NEK6: variants seen among roughly 807,000 people sequenced by gnomAD.
NEK6 encodes NIMA related kinase 6, also known as serine/threonine-protein kinase Nek6.
A neutral mutation model predicts 43.5 loss-of-function variants in NEK6; 27 were observed. The observed-to-expected ratio is 0.62, with a 90% CI of 0.46 to 0.86. The LOEUF (loss-of-function observed/expected upper bound fraction) is 0.86, where lower values mean the gene tolerates loss of function less well. NEK6 is among the 40% of genes least tolerant of loss of function. The pLI is 0.00. For synonymous variants in NEK6, 167 were observed against 164.1 expected, an observed-to-expected ratio of 1.02 and a Z score of -0.14; for missense variants, 318 against 414.4, an observed-to-expected ratio of 0.77 and a Z score of 2.02.
intron 1 of NEK6, among the ~76,000 whole-genome samples, chr9:124,299,632 G>A (rs1204505247): frequency 6.6e-6 from 1 of 152,116 alleles, no homozygotes; most frequent in East Asian, 1.9e-4. Context: ...AGCGCTGGGA[G>A]ACCCAGGTGG....
intron 1 of NEK6, among the ~76,000 whole-genome samples, chr9:124,272,270 C>T (rs567367499): frequency 3.6e-4 from 55 of 152,342 alleles, no homozygotes; most frequent in African/African-American, 1.3e-3. Flanking sequence ...TTCATCCCTT[C>T]CTTGTTTTCT....
intron 9 of NEK6, 127 bp from the exon 10 acceptor site, chr9:124,350,710 C>A: frequency 1.4e-6 from 1 of 728,682 alleles, no homozygotes; most frequent in Non-Finnish European, 2.4e-6. Context: ...TTCTTCAGCT[C>A]TAACGGGGAC....
At chr9:124,344,862 A>C (rs2131079111) in intron 8 of NEK6, among the ~76,000 whole-genome samples, 1 of 152,258 alleles carries the variant, frequency 6.6e-6, no homozygotes, top group Middle Eastern at 3.4e-3. Context: ...CCGCTTTGGA[A>C]TGCTGCTTGG....
intron 4 of NEK6, among the ~76,000 whole-genome samples, chr9:124,314,449 C>A (rs960017251): frequency 2.6e-5 from 4 of 151,728 alleles, no homozygotes; most frequent in African/African-American, 9.7e-5. Context: ...CTCCTCTCAG[C>A]CTTTTTCTTT....
At position 124,351,913 on chromosome 9, in the gene NEK6, A is replaced by G. The variant is rs1302524382; in HGVS notation, c.*966A>G. 3 of 152,626 alleles carry G rather than the reference A, an allele frequency of 2.0e-5. No homozygotes were observed. The highest frequency in any genetic ancestry group is 2.9e-5 in the Non-Finnish European group (2 of 68,046). The allele number at this position is 152,626 out of a possible 1,614,324, so 9.5% of individuals were successfully genotyped here. ...GCAAGTTAGCTAATACAAAAAGTAG[A>G]TGATCCAAAAATGGTAGCCACTCAC... On this transcript the variant is annotated 3_prime_UTR_variant, in exon 10 of 10. Coordinates refer to ENST00000320246, the MANE Select transcript of NEK6 (RefSeq NM_014397.6).
chr9:124,313,656 T>C (rs1252669933), intron 3 of NEK6, among the ~76,000 whole-genome samples: 3 of 152,204 alleles, frequency 2.0e-5, no homozygotes, highest in African/African-American at 7.2e-5. Context: ...CCACTGTGCC[T>C]GGCCCGCCCT....
At chr9:124,272,781 T>C (rs548885799) in intron 1 of NEK6, among the ~76,000 whole-genome samples, 1 of 152,268 alleles carries the variant, frequency 6.6e-6, no homozygotes, top group South Asian at 2.1e-4. Flanking sequence ...TCCTATTAAT[T>C]CATTTTACAG....
intron 4 of NEK6, among the ~76,000 whole-genome samples, chr9:124,320,128 C>T (rs1175613822): frequency 2.6e-5 from 4 of 152,220 alleles, no homozygotes; most frequent in Non-Finnish European, 4.4e-5. Context: ...TGAGCCACAG[C>T]GCTGCTGGCT....
intron 7 of NEK6, among the ~76,000 whole-genome samples, chr9:124,332,089 G>A (rs1829025731): frequency 6.6e-6 from 1 of 152,244 alleles, no homozygotes; most frequent in African/African-American, 2.4e-5. Flanking sequence ...AAGAGGGGAG[G>A]GAAGGAGAGG....
At chr9:124,336,930 A>T (rs1047755295) in intron 7 of NEK6, among the ~76,000 whole-genome samples, 2 of 151,056 alleles carry the variant, frequency 1.3e-5, no homozygotes, top group Non-Finnish European at 2.9e-5. Flanking sequence ...ATTCACTTCA[A>T]CCCGGAAGGC....
intron 7 of NEK6, among the ~76,000 whole-genome samples, chr9:124,335,308 G>A (rs990399657): frequency 3.9e-5 from 6 of 152,082 alleles, no homozygotes; most frequent in Admixed American, 2.6e-4. Context: ...TGGAAGTTGC[G>A]ATTTGCTGTC....
chr9:124,321,825 C>T (rs1391526375), intron 5 of NEK6, among the ~76,000 whole-genome samples: 2 of 152,194 alleles, frequency 1.3e-5, no homozygotes, highest in South Asian at 2.1e-4. Flanking sequence ...CTCAAAAGAG[C>T]CCATATGCAA....
At chr9:124,265,609 A>C (rs555519896) in intron 1 of NEK6, 2 of 152,214 alleles carry the variant, frequency 1.3e-5, no homozygotes, top group African/African-American at 2.4e-5. Flanking sequence ...GAGAGACATC[A>C]TGACCAGCCT....
At chr9:124,265,248 G>A (rs1460311534) in intron 1 of NEK6, among the ~76,000 whole-genome samples, 1 of 152,212 alleles carries the variant, frequency 6.6e-6, no homozygotes, top group East Asian at 1.9e-4. Flanking sequence ...TTTTGGCCAG[G>A]CACGGTGGCT....
chr9:124,307,722 T>TGA (rs1833327361), intron 2 of NEK6, among the ~76,000 whole-genome samples: 1 of 152,196 alleles, frequency 6.6e-6, no homozygotes, highest in African/African-American at 2.4e-5. Context: ...GAAGGGAGGC[T>TGA]GAGGGCAGCT....
intron 2 of NEK6, among the ~76,000 whole-genome samples, chr9:124,309,584 C>T (rs983271645): frequency 6.6e-6 from 1 of 152,186 alleles, no homozygotes; most frequent in African/African-American, 2.4e-5. Context: ...TAGCCTGTTT[C>T]CTGATTTGCG....
At position 124,290,580 on chromosome 9, in the gene NEK6, T is replaced by A. The variant is rs560947043; in HGVS notation, c.-29-11356T>A. 2.0e-5 allele frequency among the ~76,000 whole-genome samples: 3 copies of A among 152,346 alleles called. No individual in the cohort carries two copies. In the East Asian group the frequency reaches 5.8e-4, roughly 29 times the overall value. On this transcript the variant is annotated intron_variant, in intron 1 of 9. Coordinates refer to ENST00000320246, the MANE Select transcript of NEK6 (RefSeq NM_014397.6). ...AGGGGTGGTTTGCCCAGGGCAGAAGTGGCTCGTTCTGAAAAAGGAAGCAGG... is the reference window on the plus strand; with the variant it reads ...AGGGGTGGTTTGCCCAGGGCAGAAGAGGCTCGTTCTGAAAAAGGAAGCAGG...
chr9:124,283,946 G>C (rs1207671819), intron 1 of NEK6, among the ~76,000 whole-genome samples: 1 of 152,232 alleles, frequency 6.6e-6, no homozygotes, highest in Non-Finnish European at 1.5e-5. Context: ...CCCCTTGCCT[G>C]GCACACGCTT....
chr9:124,347,658 T>G (rs1327704745), intron 8 of NEK6, 51 bp from the exon 9 acceptor site: 1 of 1,254,742 alleles, frequency 8.0e-7, no homozygotes, highest in South Asian at 1.4e-5. Flanking sequence ...TCTCTAGTCC[T>G]TCTGAGCCTT....
Sources: allele counts gnomAD v4.1 joint callset (sites outside exome capture counted in the v4.1 genomes callset), GRCh38; gene constraint gnomAD v4.1.1; transcripts MANE v1.5; gene names NCBI Gene and HGNC (gene_info 2026-07-23, HGNC 2026-07-21).